Variants in FAXC observed in about 807,000 individuals in gnomAD.
The protein encoded by FAXC is failed axon connections homolog, metaxin like GST domain containing.
A neutral mutation model predicts 41.9 loss-of-function variants in FAXC; 10 were observed. That is an observed-to-expected ratio of 0.24 (90% CI 0.15 to 0.41). The LOEUF (loss-of-function observed/expected upper bound fraction) is 0.41. Among genes scored for constraint, FAXC ranks in the 10% least tolerant of loss-of-function variants. The probability of loss-of-function intolerance (pLI) is 1.00; values close to 1 mark genes in which losing one functional copy is unlikely to be tolerated. For missense variants in FAXC, 399 were observed against 510.9 expected (o/e 0.78, Z 2.11); for synonymous variants, 183 against 183.8 (o/e 1.00, Z 0.03).
chr6:99,280,265 G>A lies in FAXC; in HGVS notation c.*899C>T, dbSNP rs1185420992. The A allele has an allele frequency of 6.6e-6, 1 of 152,200 alleles. No individual in the cohort carries two copies. Among genetic ancestry groups the A allele is most frequent in the Non-Finnish European group, 1.5e-5 (1 of 68,036 alleles). The allele number at this position is 152,200 out of a possible 1,614,324, so 9.4% of individuals were successfully genotyped here. On this transcript the variant is annotated 3_prime_UTR_variant, in exon 6 of 6. Transcript: ENST00000389677. ...TTTGATTCAGCCAAGATTACAGAAAGGAATCATGACAAAGTCCTAAGTGTA... is the reference window on the plus strand; with the variant it reads ...TTTGATTCAGCCAAGATTACAGAAAAGAATCATGACAAAGTCCTAAGTGTA...
At chr6:99,343,144 T>G in intron 1 of FAXC, 111 bp from the exon 2 acceptor site, 2 of 963,860 alleles carry the variant, frequency 2.1e-6, no homozygotes, top group Non-Finnish European at 3.0e-6. Context: ...AACAAGCAGA[T>G]CTGTTTGTCA....
In FAXC at chr6:99,349,408, C is replaced by T. The variant is rs751466715; in HGVS notation, c.-36G>A. 1 of 1,522,872 alleles carries T rather than the reference C, an allele frequency of 6.6e-7. No individual in the cohort carries two copies. Among genetic ancestry groups the T allele is most frequent in the South Asian group, 1.3e-5 (1 of 79,580 alleles). 94.3% of individuals were successfully genotyped at this position (1,522,872 alleles called of 1,614,324 possible). ...TGGCTCCGGGCGCCCCTCCCAGGGC[C>T]CGCGCCGCCCGCATGGGAAGGGGCC... On this transcript the variant is annotated 5_prime_UTR_variant, in exon 1 of 6. Transcript: ENST00000389677.
chr6:99,337,798 T>A (rs190805907), intron 2 of FAXC, among the ~76,000 whole-genome samples: 2,177 of 152,340 alleles, frequency 0.014, 43 homozygotes, highest in African/African-American at 0.05. Flanking sequence ...GAGCTTTTTT[T>A]AAAAATAAGC....
chr6:99,299,537 T>TTCATACTTC (rs1445942019), intron 4 of FAXC, among the ~76,000 whole-genome samples: 3 of 152,218 alleles, frequency 2.0e-5, no homozygotes, highest in Admixed American at 2.0e-4. Flanking sequence ...GTGGACATTA[T>TTCATACTTC]TCATACTTCT....
intron 4 of FAXC, among the ~76,000 whole-genome samples, chr6:99,300,883 C>T (rs1019858835): frequency 6.6e-6 from 1 of 152,212 alleles, no homozygotes. Context: ...ATAAGGAACT[C>T]GCCCATCTTT....
At chr6:99,318,746 T>C (rs1772469908) in intron 4 of FAXC, among the ~76,000 whole-genome samples, 1 of 152,204 alleles carries the variant, frequency 6.6e-6, no homozygotes, top group African/African-American at 2.4e-5. Flanking sequence ...ATGTAGGTAT[T>C]GTTCTGAACC....
chr6:99,319,259 C>T (rs908587406), intron 4 of FAXC, among the ~76,000 whole-genome samples: 1 of 152,178 alleles, frequency 6.6e-6, no homozygotes, highest in African/African-American at 2.4e-5. Context: ...ATTAGCCAGA[C>T]ATGGTGGCGG....
intron 4 of FAXC, among the ~76,000 whole-genome samples, chr6:99,311,552 G>A (rs1772158659): frequency 6.6e-6 from 1 of 152,116 alleles, no homozygotes; most frequent in South Asian, 2.1e-4. Flanking sequence ...TCTAGCCTGG[G>A]CAATAGAGCA....
chr6:99,309,881 G>T, intron 4 of FAXC: 1 of 983,540 alleles, frequency 1.0e-6, no homozygotes, highest in Non-Finnish European at 1.2e-6. Flanking sequence ...ATGGTTTTCA[G>T]GTCAAATTAT....
rs943611363 is a variant in FAXC, at chr6:99,279,879, A to G, written c.*1285T>C. The G allele has an allele frequency of 6.6e-6, 1 of 152,248 alleles. No individual in the cohort carries two copies. Among genetic ancestry groups the G allele is most frequent in the African/African-American group, 2.4e-5 (1 of 41,474 alleles). 9.4% of individuals were successfully genotyped at this position (152,248 alleles called of 1,614,324 possible). On this transcript the variant is annotated 3_prime_UTR_variant, in exon 6 of 6. Transcript: ENST00000389677. ...AGAAAAGTTGCATTAATAAAACTGC[A>G]TATAGTCTAACACTGCACAGAGTGC...
intron 3 of FAXC, among the ~76,000 whole-genome samples, chr6:99,329,731 G>C (rs910110267): frequency 1.3e-5 from 2 of 151,994 alleles, no homozygotes; most frequent in South Asian, 4.2e-4. Context: ...TTTTAGAAAA[G>C]ATCTTGGTTA....
intron 3 of FAXC, 96 bp from the exon 4 acceptor site, chr6:99,323,763 C>T (rs190803306): frequency 2.3e-6 from 2 of 869,762 alleles, no homozygotes; most frequent in African/African-American, 3.4e-5. Flanking sequence ...TTACTACACT[C>T]TGGAGGAACT....
intron 2 of FAXC, among the ~76,000 whole-genome samples, chr6:99,341,611 T>C (rs1415614950): frequency 1.3e-5 from 2 of 152,122 alleles, no homozygotes; most frequent in Non-Finnish European, 2.9e-5. Flanking sequence ...TACTCTAACA[T>C]AAAGCAAGAA....
Position 99,349,537 on chromosome 6 carries a change from A to AGGG in FAXC, c.-166_-165insCCC, listed in dbSNP as rs1034770752. On this transcript the variant is annotated 5_prime_UTR_variant, in exon 1 of 6. Coordinates refer to ENST00000389677, the MANE Select transcript of FAXC (RefSeq NM_032511.4). ...ACTGAGGAGGCGGCGGCAGAGGAGG[A>AGGG]GGAGGAGGAAGGGCACTGGCCGCGG... The AGGG allele has an allele frequency of 9.3e-6, 3 of 323,090 alleles. No individual in the cohort carries two copies. The highest frequency in any genetic ancestry group is 6.8e-5 in the African/African-American group (3 of 44,124). The allele number at this position is 323,090 out of a possible 1,614,324, so 20.0% of individuals were successfully genotyped here. A position where few individuals can be genotyped will look rare whatever the true frequency, so the allele number is the denominator to read the frequency against.
chr6:99,325,660 A>C (rs545698973), intron 3 of FAXC, among the ~76,000 whole-genome samples: 8 of 152,364 alleles, frequency 5.3e-5, no homozygotes, highest in East Asian at 1.9e-4. Context: ...GCAGTAATTA[A>C]GATGACAATT....
chr6:99,316,157 G>GCCCCCC (rs71021722), intron 4 of FAXC, among the ~76,000 whole-genome samples: 7 of 146,256 alleles, frequency 4.8e-5, no homozygotes, highest in Admixed American at 1.4e-4. Flanking sequence ...TAACCCACTC[G>GCCCCCC]CCCCCCCCCA....
intron 1 of FAXC, among the ~76,000 whole-genome samples, chr6:99,344,613 C>T (rs1183567966): frequency 6.6e-6 from 1 of 152,024 alleles, no homozygotes; most frequent in Non-Finnish European, 1.5e-5. Context: ...TTGCTGCTTT[C>T]TGGCAATATT....
At chr6:99,306,000 C>T (rs1257440184) in intron 4 of FAXC, among the ~76,000 whole-genome samples, 4 of 151,692 alleles carry the variant, frequency 2.6e-5, no homozygotes, top group Admixed American at 6.6e-5. Flanking sequence ...CAATGATCAG[C>T]GCTACGCAGA....
chr6:99,341,041 C>A (rs1182924095), intron 2 of FAXC, among the ~76,000 whole-genome samples: 1 of 152,012 alleles, frequency 6.6e-6, no homozygotes, highest in East Asian at 1.9e-4. Context: ...AAGGAAGAGA[C>A]CCAAGGTACA....
Sources: gnomAD v4.1 joint callset for allele counts (sites outside exome capture counted in the v4.1 genomes callset) on GRCh38, gnomAD v4.1.1 for gene constraint, MANE v1.5 for transcripts, NCBI Gene and HGNC (gene_info 2026-07-23, HGNC 2026-07-21) for gene names.